MSH4: variants seen among roughly 807,000 people sequenced by gnomAD.
MSH4 encodes the protein mutS homolog 4, also known as mutS protein homolog 4.
MSH4 carries 106 observed loss-of-function variants against 113.7 expected under a neutral mutation model. That is an observed-to-expected ratio of 0.93 (90% CI 0.80 to 1.10). The LOEUF is 1.10. Among genes scored for constraint, MSH4 ranks in the 50% least tolerant of loss-of-function variants. The pLI is 0.00. For missense variants in MSH4, 1,061 were observed against 1,093.7 expected (o/e 0.97, Z 0.42); for synonymous variants, 368 against 380.2 (o/e 0.97, Z 0.37).
At chr1:75,832,963 G>C (rs754096205) in intron 7 of MSH4, among the ~76,000 whole-genome samples, 11 of 152,070 alleles carry the variant, frequency 7.2e-5, no homozygotes, top group Non-Finnish European at 1.0e-4. Flanking sequence ...AGAAATAAAG[G>C]GTATTCAATT....
intron 3 of MSH4, among the ~76,000 whole-genome samples, chr1:75,809,468 A>G (rs1022113845): frequency 1.3e-5 from 2 of 152,144 alleles, no homozygotes; most frequent in Non-Finnish European, 2.9e-5. Context: ...AAGGAATGTT[A>G]GACAAATTGA....
chr1:75,833,434 A>C (rs71540229), intron 7 of MSH4, among the ~76,000 whole-genome samples: 1 of 152,184 alleles, frequency 6.6e-6, no homozygotes, highest in Non-Finnish European at 1.5e-5. Flanking sequence ...GGAAAAAACT[A>C]CTTTAAAGTT....
chr1:75,822,300 A>T lies in MSH4; in HGVS notation c.990-109A>T, dbSNP rs1230725519. On this transcript the variant is annotated intron_variant, in intron 6 of 19. Transcript: ENST00000263187. The stretch of plus-strand genomic sequence containing the variant: ...CGAGACTCTGTTTCAAAAAAAAAAA[A>T]AAAAAAGAATCATTGCTGTAGATTA... 5.5e-6 allele frequency: 4 copies of T among 723,456 alleles called. No homozygotes were observed. The African/African-American group carries it at 7.6e-5, about 14-fold the overall frequency. 44.8% of individuals were successfully genotyped at this position (723,456 alleles called of 1,614,324 possible).
At chr1:75,832,084 T>A (rs1650706527) in intron 7 of MSH4, among the ~76,000 whole-genome samples, 1 of 151,976 alleles carries the variant, frequency 6.6e-6, no homozygotes, top group African/African-American at 2.4e-5. Context: ...ATAGATGCAA[T>A]AAAAAATGAT....
At chr1:75,854,329 G>C (rs1355313952) in intron 8 of MSH4, among the ~76,000 whole-genome samples, 1 of 151,874 alleles carries the variant, frequency 6.6e-6, no homozygotes, top group Non-Finnish European at 1.5e-5. Context: ...TCTTCACTCT[G>C]CCTATGCTGT....
At chr1:75,866,435 A>G (rs1651563926) in intron 8 of MSH4, among the ~76,000 whole-genome samples, 1 of 152,140 alleles carries the variant, frequency 6.6e-6, no homozygotes, top group African/African-American at 2.4e-5. Flanking sequence ...AAATGCTGGG[A>G]TTACCGACAT....
At chr1:75,840,733 T>A (rs1337366695) in intron 7 of MSH4, among the ~76,000 whole-genome samples, 1 of 151,958 alleles carries the variant, frequency 6.6e-6, no homozygotes, top group South Asian at 2.1e-4. Context: ...AAAAAACCCA[T>A]TACCTCCTTT....
At chr1:75,843,451 C>T (rs1651009426) in intron 7 of MSH4, among the ~76,000 whole-genome samples, 1 of 152,148 alleles carries the variant, frequency 6.6e-6, no homozygotes, top group African/African-American at 2.4e-5. Flanking sequence ...AGAGACTTTG[C>T]AGGGCAATTT....
At chr1:75,862,127 T>C (rs998787505) in intron 8 of MSH4, among the ~76,000 whole-genome samples, 7 of 152,076 alleles carry the variant, frequency 4.6e-5, no homozygotes, top group African/African-American at 1.7e-4. Context: ...GGTCTGCCAG[T>C]TGTGAAGACC....
chr1:75,806,560 T>A (rs902051712), intron 2 of MSH4, among the ~76,000 whole-genome samples: 3 of 152,154 alleles, frequency 2.0e-5, no homozygotes, highest in African/African-American at 7.2e-5. Context: ...TCTGTTAGTT[T>A]CTATGTTTCT....
At chr1:75,814,690 CA>C (rs1433794141) in intron 4 of MSH4, among the ~76,000 whole-genome samples, 25 of 151,818 alleles carry the variant, frequency 1.6e-4, no homozygotes, top group African/African-American at 5.1e-4. Context: ...ACAATCTATA[CA>C]AAAGATTACT....
In MSH4 at chr1:75,796,899, G is replaced by C; in HGVS notation, c.-87G>C. The C allele has an allele frequency of 1.3e-6, 2 of 1,575,112 alleles. No individual in the cohort carries two copies. The highest frequency in any genetic ancestry group is 2.3e-5 in the South Asian group (2 of 85,498). On this transcript the variant is annotated 5_prime_UTR_variant, in exon 1 of 20. Transcript: ENST00000263187. Reference sequence around the variant, plus strand: ...GCGTCGGCGCGCAGTTCTCCCGCCCGTTTCAGCGGCGCAGCTTCTGTAGTT... The same window carrying C: ...GCGTCGGCGCGCAGTTCTCCCGCCCCTTTCAGCGGCGCAGCTTCTGTAGTT...
At chr1:75,909,885 T>TTCTTCCATCTC (rs1446249215) in intron 19 of MSH4, among the ~76,000 whole-genome samples, 1 of 152,122 alleles carries the variant, frequency 6.6e-6, no homozygotes, top group East Asian at 1.9e-4. Context: ...ATTTCTGTTT[T>TTCTTCCATCTC]TCTTCCATCT....
At chr1:75,817,902 A>G (rs1650326010) in intron 6 of MSH4, among the ~76,000 whole-genome samples, 1 of 152,018 alleles carries the variant, frequency 6.6e-6, no homozygotes, top group Non-Finnish European at 1.5e-5. Context: ...GAAATCTGGT[A>G]GAATGATGAC....
chr1:75,833,844 T>G (rs2446814), intron 7 of MSH4, among the ~76,000 whole-genome samples: 1 of 152,164 alleles, frequency 6.6e-6, no homozygotes, highest in Admixed American at 6.5e-5. Flanking sequence ...GAAGAAAACC[T>G]AAGCAATACC....
intron 15 of MSH4, among the ~76,000 whole-genome samples, chr1:75,885,994 A>T (rs535508470): frequency 1.0e-5 from 1 of 97,480 alleles, no homozygotes; most frequent in East Asian, 2.8e-4. Flanking sequence ...GATGTATTAT[A>T]TAGCATGTAT....
chr1:75,846,929 A>G (rs1350528050), intron 7 of MSH4, among the ~76,000 whole-genome samples: 1 of 152,176 alleles, frequency 6.6e-6, no homozygotes, highest in Non-Finnish European at 1.5e-5. Context: ...CTGCTATAAC[A>G]GAATATCTGA....
chr1:75,897,162 G>T (rs1652403577), intron 17 of MSH4, among the ~76,000 whole-genome samples: 1 of 152,102 alleles, frequency 6.6e-6, no homozygotes, highest in Non-Finnish European at 1.5e-5. Context: ...TGGAAATCTT[G>T]TGCTGGCTGT....
rs768507662 is a variant in MSH4 at position 75,867,532 on chromosome 1, A to G, written c.1249A>G (p.Lys417Glu). The change falls in exon 9 of 20, where the codon AAG (lysine) becomes GAG (glutamate). Residue 417 changes from lysine (K) to glutamate (E), a missense_variant. Coordinates refer to ENST00000263187, the MANE Select transcript of MSH4 (RefSeq NM_002440.4). ...TTAACAGGTCAATGCTGCTGAATCA[A>G]AGATAACAAATTTAATATACTTAAA... is the stretch of plus-strand genomic sequence containing the variant. ...KQDTVNAAES[K>E]ITNLIYLKHT... The G allele has an allele frequency of 6.3e-7, 1 of 1,595,134 alleles. No individual in the cohort carries two copies. Among genetic ancestry groups the G allele is most frequent in the Non-Finnish European group, 8.5e-7 (1 of 1,170,130 alleles).
Sources: allele counts gnomAD v4.1 joint callset (sites outside exome capture counted in the v4.1 genomes callset), GRCh38; gene constraint gnomAD v4.1.1; transcripts MANE v1.5; gene names NCBI Gene and HGNC (gene_info 2026-07-23, HGNC 2026-07-21).